Variants in B4GALNT3 observed in about 807,000 individuals in gnomAD.
B4GALNT3 encodes beta-1,4-N-acetylgalactosaminyltransferase 3.
B4GALNT3 carries 86 observed loss-of-function variants against 120.2 expected under a neutral mutation model. The ratio of observed to expected loss-of-function variants is 0.72; its 90% confidence interval spans 0.60 to 0.86. The LOEUF (loss-of-function observed/expected upper bound fraction) is 0.86, where lower values mean the gene tolerates loss of function less well. Ranked by LOEUF, B4GALNT3 falls within the 40% of genes least tolerant of loss-of-function variation. The pLI is 0.00. For synonymous variants in B4GALNT3, 518 were observed against 510.4 expected, an observed-to-expected ratio of 1.01 and a Z score of -0.20; for missense variants, 1,167 against 1,298.9, an observed-to-expected ratio of 0.90 and a Z score of 1.56.
intron 1 of B4GALNT3, among the ~76,000 whole-genome samples, chr12:512,522 G>T (rs552193219): frequency 4.4e-5 from 3 of 67,664 alleles, no homozygotes; most frequent in Admixed American, 1.9e-4. Flanking sequence ...TTCCACCTTC[G>T]ACCTTCTTCC....
chr12:558,808 A>G, intron 18 of B4GALNT3, 147 bp downstream of exon 18: 1 of 864,086 alleles, frequency 1.2e-6, no homozygotes, highest in Non-Finnish European at 1.7e-6. Flanking sequence ...TCCCCGGAAA[A>G]CTCACCAGAC....
chr12:522,985 T>C (rs1046365775), intron 1 of B4GALNT3, among the ~76,000 whole-genome samples: 5 of 149,540 alleles, frequency 3.3e-5, no homozygotes, highest in Admixed American at 6.7e-5. Context: ...GTAACTTTTA[T>C]GTTATAGGTA....
intron 1 of B4GALNT3, among the ~76,000 whole-genome samples, chr12:511,016 T>C (rs113711006): frequency 4.8e-4 from 11 of 22,724 alleles, no homozygotes; most frequent in African/African-American, 3.4e-3. Flanking sequence ...GCCTATTCTT[T>C]TTTTTTTTTT....
chr12:536,623 C>T (rs936443516), intron 3 of B4GALNT3, among the ~76,000 whole-genome samples: 6 of 152,210 alleles, frequency 3.9e-5, no homozygotes, highest in Admixed American at 2.6e-4. Context: ...GCTGGGATTA[C>T]AGGTGGGCAT....
rs1440583585 is a variant in B4GALNT3 at position 460,526 on chromosome 12, C to T, written c.150C>T (p.Gly50=). The change falls in exon 1 of 20, where the codon GGC becomes GGT. Residue 50 remains glycine (G), a synonymous_variant. Transcript: ENST00000266383. The surrounding 1 kb of genome is among the most constrained non-coding windows in gnomAD (Gnocchi z 8.0). ...YLELVASAQV[G]GNPLNRRYGS... is the part of the protein sequence containing the mutation. Reference sequence around the variant, plus strand: ...AACTGGTGGCGTCGGCCCAGGTCGGCGGGAACCCCCTGAACCGGAGTAAGT... The same window carrying T: ...AACTGGTGGCGTCGGCCCAGGTCGGTGGGAACCCCCTGAACCGGAGTAAGT... The T allele has an allele frequency of 1.3e-6, 2 of 1,535,304 alleles. No individual in the cohort carries two copies. The highest frequency in any genetic ancestry group is 2.5e-5 in the East Asian group (1 of 39,508).
At position 558,520 on chromosome 12, in the gene B4GALNT3, A is replaced by G; in HGVS notation, c.2620A>G (p.Ile874Val). Residue 874 changes from isoleucine (I) to valine (V), a missense_variant, in exon 18 of 20, where the codon ATC becomes GTC. Transcript: ENST00000266383. ...CATCTGTCCCCAGGACCCGCACAGC[A>G]TCATCTTCCTCTGTGACCTCCACAT... ...GIDLVKDPHS[I>V]IFLCDLHIHF... 1 of 1,614,086 alleles carries G rather than the reference A, an allele frequency of 6.2e-7. No homozygotes were observed. The highest frequency in any genetic ancestry group is 8.5e-7 in the Non-Finnish European group (1 of 1,179,984).
chr12:489,271 G>A (rs1435000685), intron 1 of B4GALNT3, among the ~76,000 whole-genome samples: 2 of 150,972 alleles, frequency 1.3e-5, no homozygotes, highest in African/African-American at 2.4e-5. Flanking sequence ...AACCACCATG[G>A]CACATGTATA....
At chr12:490,659 G>A (rs914942259) in intron 1 of B4GALNT3, among the ~76,000 whole-genome samples, 10 of 151,954 alleles carry the variant, frequency 6.6e-5, no homozygotes, top group Admixed American at 3.3e-4. Flanking sequence ...GAGCTGGGAA[G>A]TGGTGGTTGC....
chr12:462,755 C>T (rs995100557), intron 1 of B4GALNT3, among the ~76,000 whole-genome samples: 1 of 152,106 alleles, frequency 6.6e-6, no homozygotes, highest in Non-Finnish European at 1.5e-5. Context: ...CTCTCGATTT[C>T]CCTGTGGAAT....
chr12:535,381 G>A, intron 2 of B4GALNT3, 112 bp downstream of exon 2: 1 of 833,040 alleles, frequency 1.2e-6, no homozygotes, highest in Non-Finnish European at 1.9e-6. Context: ...AGAGGCAGAG[G>A]ATAAACAGCC....
At chr12:538,397 T>C (rs1227598368) in intron 3 of B4GALNT3, among the ~76,000 whole-genome samples, 5 of 150,256 alleles carry the variant, frequency 3.3e-5, no homozygotes, top group African/African-American at 1.2e-4. Context: ...TCTCTACAAA[T>C]AATAAAAAAA....
chr12:481,593 T>C (rs1408048422), intron 1 of B4GALNT3, among the ~76,000 whole-genome samples: 3 of 152,190 alleles, frequency 2.0e-5, no homozygotes, highest in African/African-American at 7.2e-5. Flanking sequence ...AGTCATTACC[T>C]CACCGCAGGG....
At chr12:556,031 CCTT>C (rs1947152334) in intron 14 of B4GALNT3, among the ~76,000 whole-genome samples, 3 of 152,192 alleles carry the variant, frequency 2.0e-5, no homozygotes, top group South Asian at 2.1e-4. Flanking sequence ...GATCCACCTG[CCTT>C]GGCCTCCCAA....
chr12:559,413 G>T lies in B4GALNT3; in HGVS notation c.2880G>T (p.Leu960=). 1 of 1,613,872 alleles carries T rather than the reference G, an allele frequency of 6.2e-7. No individual in the cohort carries two copies. Residue 960 remains leucine (L), a synonymous_variant, in exon 19 of 20, where the codon CTG becomes CTT. Transcript: ENST00000266383. ...RDRWGGEDWE[L]LDRILQAGLD... ...GCTGGGGCGGGGAAGACTGGGAGCT[G>T]CTGGACAGGTGACTGGGAAGAGGAG... is the stretch of plus-strand genomic sequence containing the variant.
At chr12:547,160 G>A (rs1947018416) in intron 7 of B4GALNT3, among the ~76,000 whole-genome samples, 1 of 151,970 alleles carries the variant, frequency 6.6e-6, no homozygotes, top group African/African-American at 2.4e-5. Flanking sequence ...AAGAGCGGGC[G>A]TTGCTGGGCG....
Position 550,890 on chromosome 12 carries a change from C to A in B4GALNT3, c.998-32C>A. On this transcript the variant is annotated intron_variant, in intron 10 of 19. Transcript: ENST00000266383. This position sits in a 1 kb window ranked among gnomAD's most constrained non-coding sequence, Gnocchi z 4.1. Reference sequence around the variant, plus strand: ...TCAGCCCCAGTTTCGTGCTCACCCTCACCCTCACTCCTCCTCCTCCACTGT... The same window carrying A: ...TCAGCCCCAGTTTCGTGCTCACCCTAACCCTCACTCCTCCTCCTCCACTGT... The A allele has an allele frequency of 1.9e-6, 3 of 1,544,400 alleles. No individual in the cohort carries two copies. The highest frequency in any genetic ancestry group is 2.7e-6 in the Non-Finnish European group (3 of 1,118,020).
intron 1 of B4GALNT3, among the ~76,000 whole-genome samples, chr12:499,911 A>G (rs1360286156): frequency 6.6e-6 from 1 of 152,188 alleles, no homozygotes; most frequent in Admixed American, 6.5e-5. Flanking sequence ...AATTTTTCTA[A>G]AATACAGTGA....
At chr12:489,589 G>T (rs12578599) in intron 1 of B4GALNT3, among the ~76,000 whole-genome samples, 20,948 of 152,094 alleles carry the variant, frequency 0.14, 1,977 homozygotes, top group Admixed American at 0.3. Context: ...TAGATTAAAC[G>T]TAAAGGAATG....
At chr12:488,700 G>A (rs1202922034) in intron 1 of B4GALNT3, among the ~76,000 whole-genome samples, 2 of 151,938 alleles carry the variant, frequency 1.3e-5, no homozygotes, top group Non-Finnish European at 2.9e-5. Context: ...CATGCATGTA[G>A]CTCCAGCTAC....
Sources: gnomAD v4.1 joint callset for allele counts (sites outside exome capture counted in the v4.1 genomes callset) on GRCh38, gnomAD v4.1.1 for gene constraint, Gnocchi (gnomAD v3.1) non-coding constraint, MANE v1.5 for transcripts, NCBI Gene and HGNC (gene_info 2026-07-23, HGNC 2026-07-21) for gene names.